The following TENM3 variants were observed in gnomAD, a reference collection of about 807,000 sequenced individuals.
The protein encoded by TENM3 is teneurin transmembrane protein 3.
A neutral mutation model predicts 255.1 loss-of-function variants in TENM3; 63 were observed. The ratio of observed to expected loss-of-function variants is 0.25; its 90% confidence interval spans 0.20 to 0.30. The LOEUF is 0.30. TENM3 is among the 10% of genes least tolerant of loss of function. The probability of loss-of-function intolerance (pLI) is 1.00; values close to 1 mark genes in which losing one functional copy is unlikely to be tolerated. For missense variants in TENM3, 2,929 were observed against 3,461.1 expected, an observed-to-expected ratio of 0.85 and a Z score of 3.86; for synonymous variants, 1,306 against 1,322.3, an observed-to-expected ratio of 0.99 and a Z score of 0.27.
At chr4:182,276,481 C>T (rs932769384) in intron 1 of TENM3, among the ~76,000 whole-genome samples, 4 of 152,280 alleles carry the variant, frequency 2.6e-5, no homozygotes, top group South Asian at 4.1e-4. Context: ...GACTCGAATG[C>T]GAACCTGTCT....
intron 3 of TENM3, among the ~76,000 whole-genome samples, chr4:182,403,916 C>T (rs1769377876): frequency 6.6e-6 from 1 of 152,126 alleles, no homozygotes; most frequent in Admixed American, 6.5e-5. Flanking sequence ...GAGACCAGGT[C>T]TCCCTATGTT....
the TENM3 span, among the ~76,000 whole-genome samples, chr4:181,979,217 TA>T: frequency 7.0e-6 from 1 of 143,176 alleles, no homozygotes; most frequent in African/African-American, 2.6e-5. Flanking sequence ...TTATGGCACT[TA>T]TATAGAGTTT....
the TENM3 span, among the ~76,000 whole-genome samples, chr4:182,117,685 T>G: frequency 6.6e-6 from 1 of 152,236 alleles, no homozygotes; most frequent in Non-Finnish European, 1.5e-5. Context: ...CACCACACTT[T>G]CTTGATTATT....
At chr4:182,588,964 CAAGAT>C (rs72283881) in intron 3 of TENM3, among the ~76,000 whole-genome samples, 2,404 of 152,238 alleles carry the variant, frequency 0.016, 27 homozygotes, top group Non-Finnish European at 0.024. Flanking sequence ...TACTGCCACT[CAAGAT>C]AAGTTGCTTT....
chr4:181,600,143 C>T, the TENM3 span, among the ~76,000 whole-genome samples: 2 of 152,192 alleles, frequency 1.3e-5, no homozygotes, highest in Non-Finnish European at 2.9e-5. Context: ...GATTAAGCTA[C>T]ATTGTTCCTT....
chr4:182,545,427 C>CCTCTA (rs907530260), intron 3 of TENM3, among the ~76,000 whole-genome samples: 4 of 151,920 alleles, frequency 2.6e-5, no homozygotes, highest in African/African-American at 9.7e-5. Flanking sequence ...CTTGCCTGGA[C>CCTCTA]CTCTACAGTT....
chr4:182,185,390 A>G (rs1753089262), intron 1 of TENM3, among the ~76,000 whole-genome samples: 1 of 152,204 alleles, frequency 6.6e-6, no homozygotes, highest in Non-Finnish European at 1.5e-5. Context: ...CTTTACAATG[A>G]TCTGTTATTT....
At chr4:181,965,517 G>A in the TENM3 span, among the ~76,000 whole-genome samples, 1 of 152,080 alleles carries the variant, frequency 6.6e-6, no homozygotes, top group Non-Finnish European at 1.5e-5. Context: ...CACAGATGAG[G>A]ATGCTTATTT....
At chr4:181,641,807 T>TAC in the TENM3 span, among the ~76,000 whole-genome samples, 25 of 34,252 alleles carry the variant, frequency 7.3e-4, 1 homozygote, top group African/African-American at 3.4e-3. Flanking sequence ...ACACACACCA[T>TAC]ATATATATAT....
At chr4:181,986,402 C>T in the TENM3 span, among the ~76,000 whole-genome samples, 6 of 152,050 alleles carry the variant, frequency 3.9e-5, no homozygotes, top group Non-Finnish European at 8.8e-5. Flanking sequence ...TGTTCAGTCT[C>T]TTCCAAGTGT....
chr4:182,295,510 C>G (rs541098452), intron 1 of TENM3, among the ~76,000 whole-genome samples: 28 of 152,138 alleles, frequency 1.8e-4, no homozygotes, highest in Non-Finnish European at 3.8e-4. Flanking sequence ...CTCAGGTGAT[C>G]TGCCTGCCTC....
chr4:182,771,438 A>G (rs1764198139), intron 22 of TENM3, among the ~76,000 whole-genome samples: 1 of 148,806 alleles, frequency 6.7e-6, no homozygotes, highest in Admixed American at 6.8e-5. Context: ...GTCAAGAGAT[A>G]GCGTGAGAGC....
At chr4:181,957,944 TC>T in the TENM3 span, among the ~76,000 whole-genome samples, 9 of 152,184 alleles carry the variant, frequency 5.9e-5, no homozygotes, top group African/African-American at 2.2e-4. Flanking sequence ...AATATGTTTT[TC>T]TTTGGGTATT....
the TENM3 span, among the ~76,000 whole-genome samples, chr4:181,687,589 G>T: frequency 1.3e-5 from 2 of 152,160 alleles, no homozygotes; most frequent in Non-Finnish European, 2.9e-5. Context: ...CCAGCCACTT[G>T]TTTGCAGCCA....
intron 3 of TENM3, among the ~76,000 whole-genome samples, chr4:182,532,205 CTG>C (rs747076293): frequency 2.4e-4 from 37 of 152,278 alleles, no homozygotes; most frequent in Non-Finnish European, 4.6e-4. Flanking sequence ...TAATCATAGA[CTG>C]TGAAATTTGA....
chr4:182,115,789 T>C, the TENM3 span, among the ~76,000 whole-genome samples: 1 of 152,208 alleles, frequency 6.6e-6, no homozygotes, highest in African/African-American at 2.4e-5. Context: ...TGTGACTCAA[T>C]GGACATTGAT....
At chr4:182,387,340 T>C (rs1432532701) in intron 3 of TENM3, among the ~76,000 whole-genome samples, 2 of 152,210 alleles carry the variant, frequency 1.3e-5, no homozygotes, top group African/African-American at 4.8e-5. Context: ...GGAGAACCTG[T>C]GTGTCCAAAC....
At chr4:181,880,809 C>T in the TENM3 span, among the ~76,000 whole-genome samples, 1 of 152,092 alleles carries the variant, frequency 6.6e-6, no homozygotes. Flanking sequence ...AAATGACAAG[C>T]CCTTCTCCTT....
chr4:181,637,588 T>C, the TENM3 span, among the ~76,000 whole-genome samples: 1 of 152,140 alleles, frequency 6.6e-6, no homozygotes, highest in African/African-American at 2.4e-5. Flanking sequence ...AGCCAAAACT[T>C]TGGTGGAACA....
Sources: allele counts gnomAD v4.1 joint callset (sites outside exome capture counted in the v4.1 genomes callset), GRCh38; gene constraint gnomAD v4.1.1; transcripts MANE v1.5; gene names NCBI Gene and HGNC (gene_info 2026-07-23, HGNC 2026-07-21).